ZDHHC15: variants seen among roughly 807,000 people sequenced by gnomAD.
The protein encoded by ZDHHC15 is palmitoyltransferase ZDHHC15.
In ZDHHC15, 19 loss-of-function variants were observed where a neutral mutation model predicts 31.7. The observed-to-expected ratio is 0.60, with a 90% CI of 0.42 to 0.88. ZDHHC15 has a LOEUF of 0.88. Ranked by LOEUF, ZDHHC15 falls within the 40% of genes least tolerant of loss-of-function variation. The pLI, the probability that ZDHHC15 is intolerant of heterozygous loss-of-function variation, is 0.00. For synonymous variants in ZDHHC15, 103 were observed against 90.0 expected, an observed-to-expected ratio of 1.14 and a Z score of -0.82; for missense variants, 209 against 251.2, an observed-to-expected ratio of 0.83 and a Z score of 1.14.
At chrX:75,503,234 T>A (rs911622584) in intron 2 of ZDHHC15, among the ~76,000 whole-genome samples, 1 of 110,964 alleles carries the variant, frequency 9.0e-6, no homozygotes, top group Middle Eastern at 4.3e-3. Context: ...TGATCTGAGC[T>A]TTAGTCCTTT....
chrX:75,414,730 G>A (rs1267303074), intron 10 of ZDHHC15, among the ~76,000 whole-genome samples: 1 of 99,486 alleles, frequency 1.0e-5, no homozygotes, highest in Non-Finnish European at 2.0e-5. Context: ...GAGCCACCAC[G>A]CCCAGCCAAA....
chrX:75,492,473 T>C (rs930674924), intron 2 of ZDHHC15, among the ~76,000 whole-genome samples: 2 of 111,456 alleles, frequency 1.8e-5, no homozygotes, highest in African/African-American at 6.5e-5. Flanking sequence ...GTCAACAGAA[T>C]ATACGTTCTT....
At chrX:75,450,365 T>C (rs1484875384) in intron 4 of ZDHHC15, among the ~76,000 whole-genome samples, 1 of 111,873 alleles carries the variant, frequency 8.9e-6, no homozygotes, top group Non-Finnish European at 1.9e-5. Context: ...CACAGATGTG[T>C]ACACTTTTCA....
At chrX:75,399,162 T>C (rs2083329452) in intron 10 of ZDHHC15, among the ~76,000 whole-genome samples, 1 of 110,692 alleles carries the variant, frequency 9.0e-6, no homozygotes, top group Non-Finnish European at 1.9e-5. Context: ...GGTTGCCCGT[T>C]TTCATATCTC....
chrX:75,431,938 TG>T (rs2083785151), intron 4 of ZDHHC15, among the ~76,000 whole-genome samples: 1 of 111,676 alleles, frequency 9.0e-6, no homozygotes, highest in East Asian at 2.8e-4. Flanking sequence ...TCCTAAAACA[TG>T]GTAAAGAGAG....
chrX:75,489,279 G>A (rs1407530543), intron 2 of ZDHHC15, among the ~76,000 whole-genome samples: 3 of 112,031 alleles, frequency 2.7e-5, no homozygotes, highest in Non-Finnish European at 5.6e-5. Flanking sequence ...ATCTGAGAAC[G>A]GACAGACTGC....
At chrX:75,495,053 C>T (rs1244868649) in intron 2 of ZDHHC15, among the ~76,000 whole-genome samples, 3 of 111,553 alleles carry the variant, frequency 2.7e-5, no homozygotes, top group Non-Finnish European at 5.7e-5. Context: ...GGGCTAATAT[C>T]CAGAATCTAC....
chrX:75,485,550 G>T (rs995239031), intron 2 of ZDHHC15, among the ~76,000 whole-genome samples: 2 of 110,748 alleles, frequency 1.8e-5, no homozygotes, highest in Admixed American at 1.9e-4. Flanking sequence ...TCAGTAACCT[G>T]ATACAAGTGG....
intron 2 of ZDHHC15, among the ~76,000 whole-genome samples, chrX:75,481,227 C>CT (rs1316853514): frequency 9.0e-6 from 1 of 111,223 alleles, no homozygotes; most frequent in Non-Finnish European, 1.9e-5. Flanking sequence ...AGTGTGAAAT[C>CT]TTTGATTTTT....
At position 75,427,634 on chromosome X, in the gene ZDHHC15, G is replaced by A. The variant is rs777357429; in HGVS notation, c.603+1444C>T. The stretch of plus-strand genomic sequence containing the variant: ...CATAGTAGATTTTCTTCACATTCAG[G>A]GTAGTAGCTCAGTATGTGGATTTTA... On this transcript the variant is annotated intron_variant, in intron 7 of 11. Coordinates refer to ENST00000373367, the MANE Select transcript of ZDHHC15 (RefSeq NM_144969.3). Among the ~76,000 whole-genome samples, 7 of 111,106 alleles carry A rather than the reference G, an allele frequency of 6.3e-5. No homozygotes were observed. The South Asian group carries it at 1.9e-3, about 30-fold the overall frequency.
At chrX:75,470,080 G>T (rs1374772536) in intron 3 of ZDHHC15, among the ~76,000 whole-genome samples, 1 of 111,516 alleles carries the variant, frequency 9.0e-6, no homozygotes, top group East Asian at 2.8e-4. Context: ...TCCTGGGTGT[G>T]TCTGCAAGGC....
Position 75,494,532 on chromosome X carries a change from A to C in ZDHHC15, c.163+11289T>G, listed in dbSNP as rs1224281526. ...GCATCATGCTACCTGACTTCAAACT[A>C]TACTACAAGGCTACAGTAACCAAAA... On this transcript the variant is annotated intron_variant, in intron 2 of 11. Transcript: ENST00000373367. 2.7e-3 allele frequency among the ~76,000 whole-genome samples: 305 copies of C among 112,084 alleles called. 1 individual carries two copies. The highest frequency in any genetic ancestry group is 4.5e-3 in the Non-Finnish European group (240 of 53,253).
At chrX:75,437,231 CTGTTTCTTTGT>C (rs1309865091) in intron 4 of ZDHHC15, among the ~76,000 whole-genome samples, 3 of 106,150 alleles carry the variant, frequency 2.8e-5, no homozygotes, top group Non-Finnish European at 3.9e-5. Flanking sequence ...TTTAAGTCTA[CTGTTTCTTTGT>C]TGTTTCTTTG....
chrX:75,472,705 CCT>C (rs1433784146), intron 3 of ZDHHC15, among the ~76,000 whole-genome samples: 4 of 112,088 alleles, frequency 3.6e-5, no homozygotes, highest in Non-Finnish European at 5.6e-5. Flanking sequence ...CCCAGCCACC[CCT>C]GTCATCGCCC....
intron 3 of ZDHHC15, among the ~76,000 whole-genome samples, chrX:75,459,582 C>A (rs1280655790): frequency 9.0e-6 from 1 of 111,403 alleles, no homozygotes; most frequent in Non-Finnish European, 1.9e-5. Flanking sequence ...GGACCCCAAT[C>A]CATTCCTCCT....
chrX:75,443,518 C>A (rs763337023), intron 4 of ZDHHC15, among the ~76,000 whole-genome samples: 1 of 111,825 alleles, frequency 8.9e-6, no homozygotes, highest in Non-Finnish European at 1.9e-5. Context: ...AAAAACCCTA[C>A]AAGAAAACCT....
At chrX:75,510,715 A>C (rs1403805243) in intron 1 of ZDHHC15, among the ~76,000 whole-genome samples, 2 of 78,475 alleles carry the variant, frequency 2.5e-5, no homozygotes, top group Non-Finnish European at 4.7e-5. Flanking sequence ...TCCCAATGCT[A>C]TCCCTCCCCC....
intron 1 of ZDHHC15, among the ~76,000 whole-genome samples, chrX:75,516,123 T>G (rs1408673335): frequency 8.9e-6 from 1 of 111,738 alleles, no homozygotes. Flanking sequence ...TGCTCATGGA[T>G]AGGAAGAATC....
chrX:75,467,304 CA>C (rs2147950085), intron 3 of ZDHHC15, among the ~76,000 whole-genome samples: 1 of 111,684 alleles, frequency 9.0e-6, no homozygotes, highest in African/African-American at 3.2e-5. Flanking sequence ...TAGTACACTG[CA>C]CCTACTTGAA....
Sources: allele counts gnomAD v4.1 joint callset (sites outside exome capture counted in the v4.1 genomes callset), GRCh38; gene constraint gnomAD v4.1.1; transcripts MANE v1.5; gene names NCBI Gene and HGNC (gene_info 2026-07-23, HGNC 2026-07-21).